Variants in HMCN1 observed in about 807,000 individuals in gnomAD.
HMCN1 encodes the protein hemicentin 1, also known as hemicentin-1.
HMCN1 carries 321 observed loss-of-function variants against 625.9 expected under a neutral mutation model. That is an observed-to-expected ratio of 0.51 (90% CI 0.47 to 0.56). HMCN1 has a LOEUF of 0.56. Among genes scored for constraint, HMCN1 ranks in the 20% least tolerant of loss-of-function variants. The probability of loss-of-function intolerance (pLI) is 0.00; values close to 1 mark genes in which losing one functional copy is unlikely to be tolerated. For synonymous variants in HMCN1, 2,425 were observed against 2,417.6 expected, an observed-to-expected ratio of 1.00 and a Z score of -0.09; for missense variants, 6,588 against 6,887.3, an observed-to-expected ratio of 0.96 and a Z score of 1.54.
intron 11 of HMCN1, among the ~76,000 whole-genome samples, chr1:185,945,871 A>G (rs914546212): frequency 6.6e-6 from 1 of 152,216 alleles, no homozygotes; most frequent in Non-Finnish European, 1.5e-5. Context: ...GTCTTTTGAT[A>G]TAGAATTGGA....
intron 25 of HMCN1, 51 bp from the exon 26 acceptor site, chr1:185,999,994 T>C (rs892451413): frequency 7.8e-7 from 1 of 1,274,334 alleles, no homozygotes. Context: ...TGATATTTAA[T>C]AATTTCTGTT....
At chr1:185,944,288 G>A (rs1338555143) in intron 11 of HMCN1, among the ~76,000 whole-genome samples, 1 of 152,116 alleles carries the variant, frequency 6.6e-6, no homozygotes, top group Non-Finnish European at 1.5e-5. Flanking sequence ...ACATACAGAA[G>A]GATAAGATTG....
At chr1:185,881,119 C>T (rs1374765560) in intron 4 of HMCN1, among the ~76,000 whole-genome samples, 2 of 152,310 alleles carry the variant, frequency 1.3e-5, no homozygotes, top group Middle Eastern at 3.4e-3. Flanking sequence ...GGGCCCTATG[C>T]CATTTTGCAT....
rs548624423 is a variant in HMCN1, at chr1:186,061,930, T to C, written c.7392T>C (p.Gly2464=). 2.5e-6 allele frequency: 4 copies of C among 1,612,580 alleles called. No homozygotes were observed. The African/African-American group carries it at 4.0e-5, about 16-fold the overall frequency. ...CTTGCGTTGTAAGGAATGCAGCTGG[T>C]GAAGAAAGAAAAATCTTTGGGCTTT... ...QYTCVVRNAA[G]EERKIFGLSV... The change falls in exon 47 of 107, where the codon GGT becomes GGC. Residue 2464 remains glycine, a synonymous_variant. Coordinates refer to ENST00000271588, the MANE Select transcript of HMCN1 (RefSeq NM_031935.3).
chr1:185,765,492 A>G (rs908537711), intron 1 of HMCN1, among the ~76,000 whole-genome samples: 7 of 152,190 alleles, frequency 4.6e-5, no homozygotes, highest in African/African-American at 1.7e-4. Flanking sequence ...TATTTGAAGC[A>G]TTTCACATCT....
At chr1:185,736,082 C>T (rs1653547560) in intron 1 of HMCN1, among the ~76,000 whole-genome samples, 1 of 152,144 alleles carries the variant, frequency 6.6e-6, no homozygotes, top group African/African-American at 2.4e-5. Flanking sequence ...CCTTCCTGTG[C>T]ATTTAGCAAA....
At chr1:185,793,033 A>G (rs1658109246) in intron 1 of HMCN1, among the ~76,000 whole-genome samples, 1 of 152,224 alleles carries the variant, frequency 6.6e-6, no homozygotes, top group Non-Finnish European at 1.5e-5. Context: ...AGACAGTTAC[A>G]GCTTCAACAC....
chr1:186,125,491 GT>G, intron 81 of HMCN1, 112 bp from the exon 82 acceptor site: 1 of 778,374 alleles, frequency 1.3e-6, no homozygotes, highest in Non-Finnish European at 2.2e-6. Context: ...TTCATTTTTA[GT>G]ATTTCTAGCA....
intron 18 of HMCN1, among the ~76,000 whole-genome samples, chr1:185,983,466 C>T (rs1047073964): frequency 1.3e-5 from 2 of 152,112 alleles, no homozygotes; most frequent in African/African-American, 4.8e-5. Flanking sequence ...AGTGAATTGA[C>T]TCCATCTAAG....
intron 96 of HMCN1, 121 bp from the exon 97 acceptor site, chr1:186,153,629 T>C (rs1310682218): frequency 1.4e-5 from 11 of 805,814 alleles, no homozygotes; most frequent in Non-Finnish European, 2.5e-5. Context: ...CCATCATGCA[T>C]GATGTGTGTT....
chr1:185,996,220 G>A (rs906868435), intron 24 of HMCN1, among the ~76,000 whole-genome samples: 2 of 152,120 alleles, frequency 1.3e-5, no homozygotes, highest in Admixed American at 6.6e-5. Context: ...CCTCCCTTGG[G>A]GTAGGGACAT....
At chr1:186,156,498 G>A (rs1651028377) in intron 97 of HMCN1, among the ~76,000 whole-genome samples, 1 of 152,138 alleles carries the variant, frequency 6.6e-6, no homozygotes, top group African/African-American at 2.4e-5. Flanking sequence ...CAAGGGTGAC[G>A]ACTGCCTAGT....
At chr1:185,746,974 G>A (rs1056799433) in intron 1 of HMCN1, among the ~76,000 whole-genome samples, 8 of 152,098 alleles carry the variant, frequency 5.3e-5, no homozygotes, top group Non-Finnish European at 7.4e-5. Context: ...CAATGTGGTC[G>A]CCTCTTAATT....
In HMCN1 at chr1:186,137,893, T is replaced by G; in HGVS notation, c.13845T>G (p.Asn4615Lys). 1 of 1,614,076 alleles carries G rather than the reference T, an allele frequency of 6.2e-7. No homozygotes were observed. The highest frequency in any genetic ancestry group is 8.5e-7 in the Non-Finnish European group (1 of 1,179,976). Residue 4615 changes from asparagine to lysine, a missense_variant, in exon 89 of 107, where the codon AAT becomes AAG. Physicochemically the swap from Asn to Lys is moderately conservative, Grantham distance 94 (BLOSUM62 0). Transcript: ENST00000271588. Reference protein sequence around the residue: ...GNQTRTRTCNNPSVQHGGRPC... With the variant: ...GNQTRTRTCNKPSVQHGGRPC... Reference sequence around the variant, plus strand: ...AAACCAGGACCAGGACTTGCAATAATCCATCAGTTCAGCATGGTGGGCGGC... The same window carrying G: ...AAACCAGGACCAGGACTTGCAATAAGCCATCAGTTCAGCATGGTGGGCGGC...
intron 36 of HMCN1, among the ~76,000 whole-genome samples, chr1:186,034,226 A>G (rs926792381): frequency 6.6e-6 from 1 of 152,140 alleles, no homozygotes; most frequent in Non-Finnish European, 1.5e-5. Flanking sequence ...TAGAAGTTGG[A>G]AAAGGCAAGG....
At chr1:186,161,424 A>C (rs898743275) in intron 97 of HMCN1, among the ~76,000 whole-genome samples, 4 of 152,096 alleles carry the variant, frequency 2.6e-5, no homozygotes, top group East Asian at 1.9e-4. Flanking sequence ...ATTTACATTT[A>C]AAGTTAATAT....
intron 17 of HMCN1, among the ~76,000 whole-genome samples, chr1:185,981,537 T>C (rs1191120148): frequency 6.6e-6 from 1 of 152,198 alleles, no homozygotes; most frequent in East Asian, 1.9e-4. Context: ...GTAGTAAGTT[T>C]ATGTCCCCAT....
chr1:186,171,350 T>C lies in HMCN1; in HGVS notation c.15588T>C (p.Cys5196=), dbSNP rs1277751222. The C allele has an allele frequency of 1.9e-6, 3 of 1,613,010 alleles. No individual in the cohort carries two copies. The South Asian group carries it at 3.3e-5, about 18-fold the overall frequency. ...TTTATTTAACAGATATTAATGAATG[T>C]CAAGAATCCAGCCCCTGTCACCAGC... ...DGLSCQDINE[C]QESSPCHQRC... Residue 5196 remains cysteine (C), a synonymous_variant, in exon 101 of 107, where the codon TGT becomes TGC. Coordinates refer to ENST00000271588, the MANE Select transcript of HMCN1 (RefSeq NM_031935.3).
chr1:186,015,692 G>T (rs1423367333), intron 31 of HMCN1, among the ~76,000 whole-genome samples: 2 of 152,092 alleles, frequency 1.3e-5, no homozygotes, highest in African/African-American at 4.8e-5. Context: ...TACTGAAAAG[G>T]CAAAGTAGTT....
Sources: allele counts gnomAD v4.1 joint callset (sites outside exome capture counted in the v4.1 genomes callset), GRCh38; gene constraint gnomAD v4.1.1; transcripts MANE v1.5; gene names NCBI Gene and HGNC (gene_info 2026-07-23, HGNC 2026-07-21).